Variants in VPS51 observed in about 807,000 individuals in gnomAD.
VPS51 encodes the protein vacuolar protein sorting-associated protein 51 homolog.
In VPS51, 55 loss-of-function variants were observed where a neutral mutation model predicts 65.1. The ratio of observed to expected loss-of-function variants is 0.84; its 90% CI spans 0.68 to 1.06. VPS51 has a LOEUF of 1.06. Ranked by LOEUF, VPS51 falls within the 50% of genes least tolerant of loss-of-function variation. VPS51 has a pLI of 0.00. For synonymous variants in VPS51, 473 were observed against 489.5 expected (o/e 0.97, Z 0.44); for missense variants, 943 against 1,101.6 (o/e 0.86, Z 2.04).
At chr11:65,098,667 G>A (rs1419178148) in intron 2 of VPS51, among the ~76,000 whole-genome samples, 1 of 152,208 alleles carries the variant, frequency 6.6e-6, no homozygotes, top group Non-Finnish European at 1.5e-5. Context: ...ATTTGAAGCA[G>A]ATTCCATGAG....
At chr11:65,105,644 A>G (rs2137187127) in intron 2 of VPS51, among the ~76,000 whole-genome samples, 1 of 152,216 alleles carries the variant, frequency 6.6e-6, no homozygotes, top group East Asian at 1.9e-4. Context: ...ATCAGATTCC[A>G]TGAGTTGAGG....
chr11:65,096,393 C>A lies in VPS51; in HGVS notation c.143C>A (p.Ala48Glu). Residue 48 changes from alanine to glutamate, a missense_variant, in exon 1 of 10, where the codon GCG (alanine) becomes GAG (glutamate). By Grantham distance (107) the Ala-to-Glu change is moderately radical. Transcript: ENST00000279281. ...KLYYGLSEGE[A>E]AGRPAGPDPL... ...TACTACGGCCTCTCGGAAGGGGAGG[C>A]GGCGGGACGCCCCGCGGGGCCCGAC... 1 of 1,525,920 alleles carries A rather than the reference C, an allele frequency of 6.6e-7. No homozygotes were observed. Among genetic ancestry groups the A allele is most frequent in the Non-Finnish European group, 8.7e-7 (1 of 1,145,032 alleles). 94.5% of individuals were successfully genotyped at this position (1,525,920 alleles called of 1,614,324 possible). A position where few individuals can be genotyped will look rare whatever the true frequency, so the allele number is the denominator to read the frequency against.
At chr11:65,102,957 C>T (rs1363622508) in intron 2 of VPS51, among the ~76,000 whole-genome samples, 1 of 152,052 alleles carries the variant, frequency 6.6e-6, no homozygotes, top group Non-Finnish European at 1.5e-5. Flanking sequence ...GCCTGGGCAA[C>T]ATAGAGAGAC....
Position 65,109,043 on chromosome 11 carries a change from G to C in VPS51, c.1443+129G>C, listed in dbSNP as rs947249949. The C allele has an allele frequency of 7.4e-6, 9 of 1,218,082 alleles. No individual in the cohort carries two copies. In the East Asian group the frequency reaches 1.4e-4, roughly 19 times the overall value. The allele number at this position is 1,218,082 out of a possible 1,614,324, so 75.5% of individuals were successfully genotyped here. A position where few individuals can be genotyped will look rare whatever the true frequency, so the allele number is the denominator to read the frequency against. On this transcript the variant is annotated intron_variant, in intron 5 of 9. Coordinates refer to ENST00000279281, the MANE Select transcript of VPS51 (RefSeq NM_013265.4). ...GGTTTCAGGTTCTTATGCACGGTCT[G>C]GGGGGTGGGGAAGGCTCAGGGCATC...
chr11:65,110,023 G>C, intron 7 of VPS51, 100 bp downstream of exon 7: 1 of 1,257,808 alleles, frequency 8.0e-7, no homozygotes, highest in South Asian at 1.4e-5. Context: ...GTCCCTGCCT[G>C]GAGGAGGGGA....
rs1309960618 is a variant in VPS51, at chr11:65,108,449, T to A, written c.978T>A (p.Phe326Leu). Residue 326 changes from phenylalanine (F) to leucine (L), a missense_variant, in exon 5 of 10, where the codon TTT becomes TTA. Around this residue, in one of 2 missense-constraint regions of VPS51, gnomAD observed 855 missense variants for 953.7 expected, o/e 0.90. Transcript: ENST00000279281. Reference sequence around the variant, plus strand: ...TGGCGGCGGCCTACCAGGAGCTGTTTGCGGCCCAGGGCCCAGCAGGTGCCG... The same window carrying A: ...TGGCGGCGGCCTACCAGGAGCTGTTAGCGGCCCAGGGCCCAGCAGGTGCCG... ...CQVAAAYQELFAAQGPAGAEK... is the reference protein window; with the variant it reads ...CQVAAAYQELLAAQGPAGAEK... 6.2e-7 allele frequency: 1 copy of A among 1,611,260 alleles called. No homozygotes were observed. Among genetic ancestry groups the A allele is most frequent in the Admixed American group, 1.7e-5 (1 of 59,988 alleles).
rs777151771 is a variant in VPS51, at chr11:65,110,609, GC to G, written c.2000+7del. ...GCCCCCAGCTATACCCCCAGGTCTG[GC>G]TGGTCAGGGGAGCCCCAGGGGGAAG... On this transcript the variant is annotated splice_region_variant and intron_variant, in intron 8 of 9. Transcript: ENST00000279281. 1 of 1,614,094 alleles carries G rather than the reference GC, an allele frequency of 6.2e-7. No homozygotes were observed.
At chr11:65,110,255 T>C in intron 7 of VPS51, 1 of 724,634 alleles carries the variant, frequency 1.4e-6, no homozygotes, top group South Asian at 1.8e-5. Flanking sequence ...GCAGGGTTGG[T>C]GCTGGTGCTG....
intron 2 of VPS51, among the ~76,000 whole-genome samples, chr11:65,106,364 A>C (rs547133972): frequency 6.6e-6 from 1 of 152,222 alleles, no homozygotes; most frequent in Non-Finnish European, 1.5e-5. Flanking sequence ...GAAACTTACA[A>C]TCATGGCAGA....
At chr11:65,102,447 G>A (rs967667541) in intron 2 of VPS51, among the ~76,000 whole-genome samples, 3 of 152,180 alleles carry the variant, frequency 2.0e-5, no homozygotes, top group Non-Finnish European at 2.9e-5. Flanking sequence ...GGAAGGCAGC[G>A]ACAATGACAG....
At chr11:65,096,880 G>A in intron 1 of VPS51, 118 bp from the exon 2 acceptor site, 1 of 1,456,932 alleles carries the variant, frequency 6.9e-7, no homozygotes, top group African/African-American at 1.4e-5. Flanking sequence ...CAGCCGGCGG[G>A]GGTTTGCGGG....
chr11:65,108,457 A>G lies in VPS51; in HGVS notation c.986A>G (p.Gln329Arg), dbSNP rs770114661. Residue 329 changes from glutamine to arginine, a missense_variant, in exon 5 of 10, where the codon CAG becomes CGG. Physicochemically the swap from Gln to Arg is conservative, Grantham distance 43. This residue lies in a region of VPS51 where 855 missense variants were observed against 953.7 expected (regional missense o/e 0.90). Coordinates refer to ENST00000279281, the MANE Select transcript of VPS51 (RefSeq NM_013265.4). ...AAAYQELFAA[Q>R]GPAGAEKLAA... ...GCCTACCAGGAGCTGTTTGCGGCCC[A>G]GGGCCCAGCAGGTGCCGAGAAGCTG... 3.7e-6 allele frequency: 6 copies of G among 1,610,350 alleles called. No individual in the cohort carries two copies. In the Admixed American group the frequency reaches 5.0e-5, roughly 13 times the overall value.
chr11:65,108,650 C>A lies in VPS51; in HGVS notation c.1179C>A (p.Asp393Glu). Residue 393 changes from aspartate to glutamate, a missense_variant, in exon 5 of 10, where the codon GAC (aspartate) becomes GAA (glutamate). This residue lies in a region of VPS51 where 855 missense variants were observed against 953.7 expected (regional missense o/e 0.90). Coordinates refer to ENST00000279281, the MANE Select transcript of VPS51 (RefSeq NM_013265.4). Reference sequence around the variant, plus strand: ...TGCTGGCCGCTGCCGGGCTCGCAGACGCTGCCACGGAGATCGTGGAACGAG... The same window carrying A: ...TGCTGGCCGCTGCCGGGCTCGCAGAAGCTGCCACGGAGATCGTGGAACGAG... ...GALLAAAGLA[D>E]AATEIVERVA... 1 of 1,547,294 alleles carries A rather than the reference C, an allele frequency of 6.5e-7. No homozygotes were observed. The highest frequency in any genetic ancestry group is 1.2e-5 in the South Asian group (1 of 86,044).
chr11:65,109,398 C>T lies in VPS51; in HGVS notation c.1562C>T (p.Pro521Leu), dbSNP rs1426946004. ...SPGEKGGATP[P>L]ALLLLLSRLC... Reference sequence around the variant, plus strand: ...GGGGAGAAGGGGGGTGCCACACCACCTGCCCTGCTCCTGCTGCTCTCCCGC... The same window carrying T: ...GGGGAGAAGGGGGGTGCCACACCACTTGCCCTGCTCCTGCTGCTCTCCCGC... Residue 521 changes from proline (P) to leucine (L), a missense_variant, in exon 6 of 10, where the codon CCT becomes CTT. Pro to Leu is a moderately conservative substitution (Grantham distance 98). This residue lies in a region of VPS51 where 855 missense variants were observed against 953.7 expected (regional missense o/e 0.90). Transcript: ENST00000279281. The T allele has an allele frequency of 2.5e-6, 4 of 1,611,852 alleles. No individual in the cohort carries two copies. The highest frequency in any genetic ancestry group is 3.4e-6 in the Non-Finnish European group (4 of 1,180,008).
In VPS51 at chr11:65,108,274, T is replaced by A; in HGVS notation, c.803T>A (p.Leu268Gln). 1 of 1,600,228 alleles carries A rather than the reference T, an allele frequency of 6.2e-7. No individual in the cohort carries two copies. The highest frequency in any genetic ancestry group is 8.5e-7 in the Non-Finnish European group (1 of 1,174,452). Residue 268 changes from leucine (L) to glutamine (Q), a missense_variant, in exon 5 of 10, where the codon CTG becomes CAG. Coordinates refer to ENST00000279281, the MANE Select transcript of VPS51 (RefSeq NM_013265.4). ...LLALGEPAEE[L>Q]CEEFLAHARG... ...GCCCTGGGCGAGCCTGCGGAGGAGC[T>A]GTGCGAGGAGTTCCTGGCGCACGCC...
intron 1 of VPS51, 39 bp downstream of exon 1, chr11:65,096,517 G>GT: frequency 2.0e-6 from 2 of 982,332 alleles, no homozygotes; most frequent in Non-Finnish European, 3.0e-6. Flanking sequence ...CGGGGAGGGG[G>GT]GAAGGGAACC....
At position 65,108,657 on chromosome 11, in the gene VPS51, AC is replaced by A; in HGVS notation, c.1187del (p.Thr396ArgfsTer27). On this transcript the variant is annotated frameshift_variant, in exon 5 of 10. Coordinates refer to ENST00000279281, the MANE Select transcript of VPS51 (RefSeq NM_013265.4). LOFTEE classifies it high-confidence loss of function. Reference sequence around the variant, plus strand: ...CGCTGCCGGGCTCGCAGACGCTGCCACGGAGATCGTGGAACGAGTGGCCCGC... The same window carrying A: ...CGCTGCCGGGCTCGCAGACGCTGCCAGGAGATCGTGGAACGAGTGGCCCGC... ...LAAAGLADAA[T>X]EIVERVARER... The A allele has an allele frequency of 6.4e-7, 1 of 1,562,052 alleles. No homozygotes were observed. Among genetic ancestry groups the A allele is most frequent in the Non-Finnish European group, 8.6e-7 (1 of 1,160,070 alleles).
intron 2 of VPS51, among the ~76,000 whole-genome samples, chr11:65,106,040 A>C (rs1245560935): frequency 8.6e-5 from 13 of 151,792 alleles, no homozygotes; most frequent in South Asian, 6.2e-4. Context: ...CAAACAAAAC[A>C]AAACCAAAAT....
At chr11:65,104,521 C>T (rs918618732) in intron 2 of VPS51, among the ~76,000 whole-genome samples, 3 of 152,192 alleles carry the variant, frequency 2.0e-5, no homozygotes, top group East Asian at 1.9e-4. Context: ...TATCTATTAA[C>T]ATGGCAAATT....
Sources: allele counts gnomAD v4.1 joint callset (sites outside exome capture counted in the v4.1 genomes callset), GRCh38; gene constraint gnomAD v4.1.1; regional missense constraint gnomAD v4.1.1; transcripts MANE v1.5; gene names NCBI Gene and HGNC (gene_info 2026-07-23, HGNC 2026-07-21).